Variants in PDE4D observed in about 807,000 individuals in gnomAD.
PDE4D encodes phosphodiesterase 4D, also known as 3',5'-cyclic-AMP phosphodiesterase 4D.
A neutral mutation model predicts 87.4 loss-of-function variants in PDE4D; 24 were observed. The ratio of observed to expected loss-of-function variants is 0.27; its 90% CI spans 0.20 to 0.39. The LOEUF is 0.39. PDE4D is among the 10% of genes least tolerant of loss of function. The probability of loss-of-function intolerance (pLI) is 1.00; values close to 1 mark genes in which losing one functional copy is unlikely to be tolerated. For missense variants in PDE4D, 714 were observed against 1,041.0 expected (o/e 0.69, Z 4.32); for synonymous variants, 384 against 383.2 (o/e 1.00, Z -0.02).
intron 2 of PDE4D, chr5:60,160,755 ACTT>A (rs1468328656): frequency 1.1e-5 from 5 of 443,510 alleles, no homozygotes; most frequent in African/African-American, 8.1e-5. Context: ...AACCAGAAAT[ACTT>A]CTTCTCTCAC....
intron 1 of PDE4D, among the ~76,000 whole-genome samples, chr5:60,201,076 C>CTTGGTTGATTACAAAT (rs1374214291): frequency 1.5e-4 from 21 of 144,486 alleles, no homozygotes; most frequent in South Asian, 2.1e-4. Flanking sequence ...CCCTCAGTTG[C>CTTGGTTGATTACAAAT]CAATGTGTTT....
chr5:59,652,385 A>G (rs928990254), intron 1 of PDE4D, among the ~76,000 whole-genome samples: 2 of 152,212 alleles, frequency 1.3e-5, no homozygotes, highest in South Asian at 2.1e-4. Context: ...CCTTATGTAC[A>G]TCTATCTCCT....
intron 2 of PDE4D, among the ~76,000 whole-genome samples, chr5:60,085,194 CA>C (rs778792196): frequency 1.3e-5 from 2 of 151,588 alleles, no homozygotes; most frequent in Non-Finnish European, 2.9e-5. Flanking sequence ...AATAGAAATG[CA>C]AAAAAATGAG....
At chr5:59,494,153 T>C (rs1428312618) in intron 1 of PDE4D, among the ~76,000 whole-genome samples, 1 of 152,168 alleles carries the variant, frequency 6.6e-6, no homozygotes, top group Admixed American at 6.5e-5. Context: ...GCTTTGGGTG[T>C]TGCTACCTGG....
chr5:59,665,630 A>T (rs1745953922), intron 1 of PDE4D, among the ~76,000 whole-genome samples: 1 of 152,220 alleles, frequency 6.6e-6, no homozygotes, highest in South Asian at 2.1e-4. Context: ...TGAAATGACC[A>T]GCTATGATCT....
chr5:59,696,190 T>C (rs1009857752), intron 1 of PDE4D, among the ~76,000 whole-genome samples: 3 of 152,050 alleles, frequency 2.0e-5, no homozygotes, highest in Non-Finnish European at 4.4e-5. Context: ...ATCTGGGAAA[T>C]GAAAGGCTGA....
intron 2 of PDE4D, among the ~76,000 whole-genome samples, chr5:60,028,904 C>A (rs1475370062): frequency 6.6e-6 from 1 of 152,162 alleles, no homozygotes; most frequent in African/African-American, 2.4e-5. Flanking sequence ...TCCTCAATCC[C>A]TCCAGTCAGA....
At chr5:59,723,400 T>C (rs1756135825) in intron 1 of PDE4D, among the ~76,000 whole-genome samples, 2 of 152,136 alleles carry the variant, frequency 1.3e-5, no homozygotes. Context: ...AGACATTACA[T>C]GCAAAGCATT....
chr5:59,820,754 A>AAT (rs1040491453), intron 1 of PDE4D, among the ~76,000 whole-genome samples: 1 of 152,190 alleles, frequency 6.6e-6, no homozygotes, highest in African/African-American at 2.4e-5. Flanking sequence ...CTCAACTCCC[A>AAT]ATATATATCT....
intron 1 of PDE4D, among the ~76,000 whole-genome samples, chr5:59,585,143 G>T (rs1824895502): frequency 6.6e-6 from 1 of 152,084 alleles, no homozygotes; most frequent in Non-Finnish European, 1.5e-5. Flanking sequence ...CAGCAAAAAA[G>T]GTAGATACGC....
intron 1 of PDE4D, among the ~76,000 whole-genome samples, chr5:59,808,518 G>T (rs1473998694): frequency 1.3e-5 from 2 of 152,082 alleles, no homozygotes; most frequent in Non-Finnish European, 2.9e-5. Flanking sequence ...GAGATCACCT[G>T]GGGAGTCACA....
chr5:59,641,650 A>T (rs1741602052), intron 1 of PDE4D, among the ~76,000 whole-genome samples: 1 of 152,242 alleles, frequency 6.6e-6, no homozygotes, highest in Non-Finnish European at 1.5e-5. Flanking sequence ...CAAAGTCCAT[A>T]GGCAGAGAAT....
intron 1 of PDE4D, among the ~76,000 whole-genome samples, chr5:60,435,884 T>A (rs1381411797): frequency 1.3e-5 from 2 of 152,108 alleles, no homozygotes; most frequent in East Asian, 3.8e-4. Flanking sequence ...AAGCTAACAT[T>A]TATTAAACAG....
chr5:60,193,705 A>G (rs1740842859), intron 1 of PDE4D, among the ~76,000 whole-genome samples: 1 of 150,564 alleles, frequency 6.6e-6, no homozygotes, highest in African/African-American at 2.4e-5. Flanking sequence ...AAGAAAAAGA[A>G]AAAAAGAAAA....
At position 59,347,640 on chromosome 5, in the gene PDE4D, T is replaced by A. The variant is rs186618065; in HGVS notation, c.456-131672A>T. 7.1e-4 allele frequency among the ~76,000 whole-genome samples: 108 copies of A among 152,302 alleles called. 2 individuals are homozygous for A. The East Asian group carries it at 0.02, about 28-fold the overall frequency. ...TAGTATTTTCTACGTATAAAAAGTT[T>A]TGAGATAGTGTGAAACAATGTAATA... On this transcript the variant is annotated intron_variant, in intron 1 of 14. Transcript: ENST00000340635.
chr5:58,989,573 C>T (rs1476933112), intron 10 of PDE4D, among the ~76,000 whole-genome samples, 182 bp downstream of exon 10: 5 of 151,698 alleles, frequency 3.3e-5, no homozygotes, highest in Admixed American at 1.3e-4. Flanking sequence ...GACCAACTTT[C>T]ATAAGCAAAA....
At position 60,005,333 on chromosome 5, in the gene PDE4D, A is replaced by G. The variant is rs115113687; in HGVS notation, c.43-16616T>C. Among the ~76,000 whole-genome samples, 973 of 152,230 alleles carry G rather than the reference A, an allele frequency of 6.4e-3. 9 individuals carry two copies. The highest frequency in any genetic ancestry group is 0.022 in the African/African-American group (932 of 41,560). ...GAAATGGGGTAATGTTGGACACAGC[A>G]TACTAACTTTCAGTTATAAGACAAA... On this transcript the variant is annotated intron_variant, in intron 2 of 16. Transcript: ENST00000502484.
chr5:58,974,625 C>CTACT lies in PDE4D; in HGVS notation c.*35_*38dup, dbSNP rs762155218. 31 of 1,496,506 alleles carry CTACT rather than the reference C, an allele frequency of 2.1e-5. No individual in the cohort carries two copies. The highest frequency in any genetic ancestry group is 2.6e-5 in the Non-Finnish European group (29 of 1,119,228). 92.7% of individuals were successfully genotyped at this position (1,496,506 alleles called of 1,614,324 possible). ...GACATGCACTTTGGAAACAATTTTT[C>CTACT]TACTTAAAAAAAAAAAAGGCATGAA... On this transcript the variant is annotated 3_prime_UTR_variant, in exon 15 of 15. Coordinates refer to ENST00000340635, the MANE Select transcript of PDE4D (RefSeq NM_001104631.2).
At chr5:60,017,819 G>C (rs931377315) in intron 2 of PDE4D, among the ~76,000 whole-genome samples, 1 of 152,124 alleles carries the variant, frequency 6.6e-6, no homozygotes, top group African/African-American at 2.4e-5. Context: ...CCCAGTAATG[G>C]GATTGCTGAG....
Sources: allele counts gnomAD v4.1 joint callset (sites outside exome capture counted in the v4.1 genomes callset), GRCh38; gene constraint gnomAD v4.1.1; transcripts MANE v1.5; gene names NCBI Gene and HGNC (gene_info 2026-07-23, HGNC 2026-07-21).